MTUS2: variants seen among roughly 807,000 people sequenced by gnomAD.
MTUS2 encodes the protein microtubule-associated tumor suppressor candidate 2.
MTUS2 carries 40 observed loss-of-function variants against 114.1 expected under a neutral mutation model. The ratio of observed to expected loss-of-function variants is 0.35; its 90% confidence interval spans 0.27 to 0.46. The LOEUF is 0.46. Ranked by LOEUF, MTUS2 falls within the 20% of genes least tolerant of loss-of-function variation. The probability of loss-of-function intolerance (pLI) is 1.00; values close to 1 mark genes in which losing one functional copy is unlikely to be tolerated. For synonymous variants in MTUS2, 688 were observed against 672.0 expected, an observed-to-expected ratio of 1.02 and a Z score of -0.37; for missense variants, 1,679 against 1,705.4, an observed-to-expected ratio of 0.98 and a Z score of 0.27.
At chr13:29,253,849 T>A (rs1897208999) in intron 5 of MTUS2, among the ~76,000 whole-genome samples, 1 of 152,096 alleles carries the variant, frequency 6.6e-6, no homozygotes, top group Non-Finnish European at 1.5e-5. Flanking sequence ...AGAGAGCTTG[T>A]GCAGGGGAGC....
rs114946935 is a variant in MTUS2, at chr13:29,288,348, G to A, written c.2806+6483G>A. Among the ~76,000 whole-genome samples, 249 of 152,274 alleles carry A rather than the reference G, an allele frequency of 1.6e-3. 1 individual carries two copies. Among genetic ancestry groups the A allele is most frequent in the African/African-American group, 5.4e-3 (225 of 41,560 alleles). On this transcript the variant is annotated intron_variant, in intron 6 of 15. Transcript: ENST00000612955. ...GCAGCAGATGAAGAAGGCTCATCTGGAGAAAGAAGAGCTTTCAGAGCACAG... is the reference window on the plus strand; with the variant it reads ...GCAGCAGATGAAGAAGGCTCATCTGAAGAAAGAAGAGCTTTCAGAGCACAG...
chr13:29,489,671 G>A (rs1881914399), intron 11 of MTUS2: 1 of 152,230 alleles, frequency 6.6e-6, no homozygotes. Flanking sequence ...CCAGGCATCA[G>A]AAGGCTTTAA....
chr13:29,053,581 C>T (rs1375094091), intron 4 of MTUS2, among the ~76,000 whole-genome samples: 1 of 152,328 alleles, frequency 6.6e-6, no homozygotes, highest in South Asian at 2.1e-4. Flanking sequence ...ATCCTACTAC[C>T]TTATCCCAGG....
chr13:28,865,556 T>C (rs748068417), intron 2 of MTUS2, among the ~76,000 whole-genome samples: 2 of 152,218 alleles, frequency 1.3e-5, no homozygotes, highest in African/African-American at 2.4e-5. Context: ...GAGGCCGAGC[T>C]TAGTTATGCA....
At chr13:29,224,429 T>C (rs1008947239) in intron 5 of MTUS2, among the ~76,000 whole-genome samples, 1 of 152,126 alleles carries the variant, frequency 6.6e-6, no homozygotes, top group African/African-American at 2.4e-5. Context: ...TTTTTTATAC[T>C]GTTCTTCATT....
chr13:29,445,018 C>T (rs1047686706), intron 9 of MTUS2, among the ~76,000 whole-genome samples: 1 of 152,150 alleles, frequency 6.6e-6, no homozygotes, highest in Non-Finnish European at 1.5e-5. Flanking sequence ...CAGACACTGC[C>T]CATTTATACC....
intron 7 of MTUS2, among the ~76,000 whole-genome samples, chr13:29,350,285 T>C (rs890408610): frequency 6.6e-6 from 1 of 151,368 alleles, no homozygotes; most frequent in Admixed American, 6.6e-5. Context: ...GGGAGAAATA[T>C]TTGCTTTTAA....
At chr13:28,891,989 C>T (rs997867812) in intron 2 of MTUS2, among the ~76,000 whole-genome samples, 6 of 152,026 alleles carry the variant, frequency 3.9e-5, no homozygotes, top group Admixed American at 2.0e-4. Context: ...CTATTTTCCC[C>T]GGGAAGCCCT....
intron 6 of MTUS2, among the ~76,000 whole-genome samples, chr13:29,308,842 G>A (rs991977316): frequency 1.3e-5 from 2 of 152,084 alleles, no homozygotes; most frequent in Non-Finnish European, 2.9e-5. Context: ...AAACCACAAT[G>A]AGATACCATC....
intron 2 of MTUS2, among the ~76,000 whole-genome samples, chr13:29,011,226 A>T (rs7329021): frequency 6.6e-6 from 1 of 151,964 alleles, no homozygotes; most frequent in Non-Finnish European, 1.5e-5. Flanking sequence ...AAACATGCCC[A>T]TGAAAATTCA....
chr13:29,340,603 TTATC>T (rs1013502938), intron 7 of MTUS2, among the ~76,000 whole-genome samples: 5 of 152,190 alleles, frequency 3.3e-5, no homozygotes, highest in East Asian at 3.9e-4. Context: ...CATGAATAGA[TTATC>T]TGTCTCTGAA....
Position 29,197,674 on chromosome 13 carries a change from C to T in MTUS2, c.2645-84030C>T, listed in dbSNP as rs1289976459. Among the ~76,000 whole-genome samples the T allele has an allele frequency of 3.9e-5, 6 of 152,154 alleles. No homozygotes were observed. The South Asian group carries it at 6.2e-4, about 16-fold the overall frequency. Reference sequence around the variant, plus strand: ...TAGTTGAACTAATTCACACTCCCACCGACAGTGTAAAAGCGTTCCTACTTC... The same window carrying T: ...TAGTTGAACTAATTCACACTCCCACTGACAGTGTAAAAGCGTTCCTACTTC... On this transcript the variant is annotated intron_variant, in intron 5 of 15. Coordinates refer to ENST00000612955, the MANE Select transcript of MTUS2 (RefSeq NM_001033602.4).
At chr13:29,234,394 C>A (rs144147045) in intron 5 of MTUS2, among the ~76,000 whole-genome samples, 466 of 152,260 alleles carry the variant, frequency 3.1e-3, no homozygotes, top group African/African-American at 0.011. Flanking sequence ...ACAAGCATTT[C>A]TGCAGCATAA....
In MTUS2 at chr13:29,480,049, T is replaced by G; in HGVS notation, c.3185-101T>G. 1 of 1,221,680 alleles carries G rather than the reference T, an allele frequency of 8.2e-7. No individual in the cohort carries two copies. Among genetic ancestry groups the G allele is most frequent in the African/African-American group, 1.5e-5 (1 of 66,014 alleles). 75.7% of individuals were successfully genotyped at this position (1,221,680 alleles called of 1,614,324 possible). ...CTGCAGAAGTCAGAGGACCTCGCCC[T>G]GTTTATTACGCCAGCCTTGATGATC... On this transcript the variant is annotated intron_variant, in intron 9 of 15. Coordinates refer to ENST00000612955, the MANE Select transcript of MTUS2 (RefSeq NM_001033602.4). The surrounding 1 kb of genome is among the most constrained non-coding windows in gnomAD (Gnocchi z 4.4).
Position 29,281,828 on chromosome 13 carries a change from T to C in MTUS2, c.2769T>C (p.Ser923=). The C allele has an allele frequency of 1.2e-6, 2 of 1,605,654 alleles. No individual in the cohort carries two copies. The highest frequency in any genetic ancestry group is 1.7e-6 in the Non-Finnish European group (2 of 1,174,254). ...ASSSVTAPRR[S]LLPAPKSTST... The stretch of plus-strand genomic sequence containing the variant: ...CCAGTGTGACAGCACCCCGCAGGAG[T>C]TTACTTCCAGCGCCAAAATCCACTT... Residue 923 remains serine, a synonymous_variant, in exon 6 of 16, where the codon AGT becomes AGC. Coordinates refer to ENST00000612955, the MANE Select transcript of MTUS2 (RefSeq NM_001033602.4).
intron 2 of MTUS2, among the ~76,000 whole-genome samples, chr13:28,889,179 C>G (rs1878772438): frequency 6.6e-6 from 1 of 152,076 alleles, no homozygotes; most frequent in South Asian, 2.1e-4. Context: ...AGGTGTAGCT[C>G]TTCACCTGCT....
chr13:29,502,379 T>C (rs1372709032), intron 15 of MTUS2, among the ~76,000 whole-genome samples: 1 of 152,224 alleles, frequency 6.6e-6, no homozygotes, highest in Admixed American at 6.5e-5. Flanking sequence ...TAACTGAGCA[T>C]CTGTTACGTG....
rs1255640957 is a variant in MTUS2, at chr13:29,252,832, A to ATGT, written c.2645-28871_2645-28869dup. Among the ~76,000 whole-genome samples the ATGT allele has an allele frequency of 2.0e-5, 3 of 151,892 alleles. No individual in the cohort carries two copies. The East Asian group carries it at 5.8e-4, about 29-fold the overall frequency. ...CCCTCATTCTCTCTTGTCTACCACC[A>ATGT]TGTAAGACCTGCCTTTCGCCTTTTG... On this transcript the variant is annotated intron_variant, in intron 5 of 15. Transcript: ENST00000612955.
chr13:29,128,819 TCTGGGTGTTTTGATCAATGC>T (rs1319602378), intron 5 of MTUS2, among the ~76,000 whole-genome samples: 2 of 152,190 alleles, frequency 1.3e-5, no homozygotes, highest in Non-Finnish European at 2.9e-5. Flanking sequence ...TTGATCCATG[TCTGGGTGTTTTGATCAATGC>T]CTGGGTGTTT....
Sources: allele counts gnomAD v4.1 joint callset (sites outside exome capture counted in the v4.1 genomes callset), GRCh38; gene constraint gnomAD v4.1.1; non-coding constraint Gnocchi (gnomAD v3.1); transcripts MANE v1.5; gene names NCBI Gene and HGNC (gene_info 2026-07-23, HGNC 2026-07-21).